ROBO2: variants seen among roughly 807,000 people sequenced by gnomAD.
The protein encoded by ROBO2 is roundabout homolog 2.
Under a neutral mutation model 160.8 loss-of-function variants are expected in ROBO2, and 53 were observed. That is an observed-to-expected ratio of 0.33 (90% CI 0.26 to 0.41). The LOEUF (loss-of-function observed/expected upper bound fraction) is 0.41, where lower values mean the gene tolerates loss of function less well. Ranked by LOEUF, ROBO2 falls within the 10% of genes least tolerant of loss-of-function variation. The pLI, the probability that ROBO2 is intolerant of heterozygous loss-of-function variation, is 1.00. For missense variants in ROBO2, 1,577 were observed against 1,722.4 expected (o/e 0.92, Z 1.49); for synonymous variants, 664 against 611.7 (o/e 1.09, Z -1.26).
intron 2 of ROBO2, among the ~76,000 whole-genome samples, chr3:77,272,092 C>T (rs540359432): frequency 1.4e-4 from 21 of 152,220 alleles, no homozygotes; most frequent in African/African-American, 4.8e-4. Context: ...TTTCTTTCCC[C>T]GTCAACCTTC....
At chr3:75,963,997 A>G (rs1949017479) in intron 2 of ROBO2, among the ~76,000 whole-genome samples, 1 of 151,774 alleles carries the variant, frequency 6.6e-6, no homozygotes, top group South Asian at 2.1e-4. Flanking sequence ...AGGCTTTAGA[A>G]TTTCACCGTA....
At chr3:77,622,751 G>C (rs750699428) in intron 23 of ROBO2, among the ~76,000 whole-genome samples, 30 of 152,226 alleles carry the variant, frequency 2.0e-4, no homozygotes, top group Admixed American at 3.9e-4. Flanking sequence ...TTTTAGAAAT[G>C]ATCTTTTTTA....
intron 2 of ROBO2, among the ~76,000 whole-genome samples, chr3:77,328,058 A>G (rs968033342): frequency 3.3e-5 from 2 of 61,078 alleles, no homozygotes; most frequent in African/African-American, 8.3e-5. Flanking sequence ...GTGAGACCGT[A>G]TCTCAAAAAA....
At chr3:76,561,590 C>G (rs1358696382) in intron 2 of ROBO2, among the ~76,000 whole-genome samples, 2 of 152,058 alleles carry the variant, frequency 1.3e-5, no homozygotes, top group Admixed American at 6.6e-5. Flanking sequence ...CATCAAAAGG[C>G]AAAGATAGAA....
intron 2 of ROBO2, among the ~76,000 whole-genome samples, chr3:77,301,446 T>C (rs2153412749): frequency 6.6e-6 from 1 of 152,288 alleles, no homozygotes; most frequent in South Asian, 2.1e-4. Context: ...CTCCAATCAC[T>C]TCTGAAATTG....
At chr3:76,045,076 T>G (rs2067407131) in intron 2 of ROBO2, among the ~76,000 whole-genome samples, 1 of 152,062 alleles carries the variant, frequency 6.6e-6, no homozygotes. Flanking sequence ...ATTTCTTTTA[T>G]TACCTGGGAG....
chr3:76,417,644 G>A (rs1340290679), intron 2 of ROBO2, among the ~76,000 whole-genome samples: 1 of 151,980 alleles, frequency 6.6e-6, no homozygotes, highest in African/African-American at 2.4e-5. Flanking sequence ...TAAATGGTAA[G>A]CTTGTAATAC....
intron 2 of ROBO2, among the ~76,000 whole-genome samples, chr3:77,360,260 C>G (rs188459991): frequency 0.012 from 1,743 of 151,216 alleles, 17 homozygotes; most frequent in Non-Finnish European, 0.018. Flanking sequence ...CAACCCCCCC[C>G]CCAAATTTAG....
intron 5 of ROBO2, among the ~76,000 whole-genome samples, chr3:77,498,137 C>T (rs1468930250): frequency 6.6e-6 from 1 of 152,074 alleles, no homozygotes; most frequent in Non-Finnish European, 1.5e-5. Flanking sequence ...TAATATCTCT[C>T]ATCAATCATA....
rs181852863 is a variant in ROBO2 at position 76,238,430 on chromosome 3, C to T, written c.109+300828C>T. Among the ~76,000 whole-genome samples the T allele has an allele frequency of 6.0e-3, 911 of 152,234 alleles. 8 individuals are homozygous for T. Among genetic ancestry groups the T allele is most frequent in the African/African-American group, 0.021 (853 of 41,530 alleles). ...TACTAACTCTCCTGAGAAGAGCATG[C>T]GGAAAACCACCTCCATGATCTAACC... On this transcript the variant is annotated intron_variant, in intron 2 of 26. Transcript: ENST00000487694.
chr3:76,456,972 T>C (rs1048058678), intron 2 of ROBO2, among the ~76,000 whole-genome samples: 1 of 152,142 alleles, frequency 6.6e-6, no homozygotes, highest in Admixed American at 6.5e-5. Context: ...AATTACCTCC[T>C]TGTGGGTTCC....
At position 76,622,648 on chromosome 3, in the gene ROBO2, G is replaced by A. The variant is rs1052517002; in HGVS notation, c.110-475366G>A. ...TTTCAATCCCCATCATTTCCTTAAT[G>A]CCTGCTCTGCCCCAGTCATTGACCA... is the stretch of plus-strand genomic sequence containing the variant. On this transcript the variant is annotated intron_variant, in intron 2 of 26. Transcript: ENST00000487694. Among the ~76,000 whole-genome samples, 15 of 152,002 alleles carry A rather than the reference G, an allele frequency of 9.9e-5. No individual in the cohort carries two copies. In the South Asian group the frequency reaches 1.0e-3, roughly 11 times the overall value.
chr3:77,230,135 T>C (rs2086988598), intron 2 of ROBO2, among the ~76,000 whole-genome samples: 1 of 152,106 alleles, frequency 6.6e-6, no homozygotes, highest in African/African-American at 2.4e-5. Flanking sequence ...TCACCCAGGC[T>C]GGAGTGCAGT....
intron 2 of ROBO2, among the ~76,000 whole-genome samples, chr3:76,114,727 T>A (rs1211044646): frequency 6.6e-6 from 1 of 152,108 alleles, no homozygotes; most frequent in African/African-American, 2.4e-5. Flanking sequence ...ACTCACAAAT[T>A]AGTTTATGAT....
rs1398716208 is a variant in ROBO2, at chr3:76,910,916, TG to T, written c.110-187097del. On this transcript the variant is annotated intron_variant, in intron 2 of 26. Transcript: ENST00000487694. ...GATTTGGGGGGATAAGTCCTTTTTT[TG>T]CTTCATTCGAATACATTAAGTACTC... 4.6e-5 allele frequency among the ~76,000 whole-genome samples: 7 copies of T among 152,202 alleles called. No individual in the cohort carries two copies. In the East Asian group the frequency reaches 1.4e-3, roughly 29 times the overall value.
chr3:77,492,831 T>C (rs2086299022), intron 4 of ROBO2, among the ~76,000 whole-genome samples: 1 of 152,184 alleles, frequency 6.6e-6, no homozygotes, highest in African/African-American at 2.4e-5. Flanking sequence ...TTAATATTTG[T>C]TTTTTAAATG....
intron 2 of ROBO2, among the ~76,000 whole-genome samples, chr3:76,797,386 AC>A (rs2063781160): frequency 6.6e-6 from 1 of 152,124 alleles, no homozygotes. Context: ...ATTTCCTGAC[AC>A]AAATGAAATG....
At chr3:76,942,399 A>G (rs996111364) in intron 2 of ROBO2, among the ~76,000 whole-genome samples, 1 of 152,246 alleles carries the variant, frequency 6.6e-6, no homozygotes, top group South Asian at 2.1e-4. Flanking sequence ...CCGTATTTCC[A>G]TAGACCTGGT....
chr3:77,514,858 A>T (rs770090416), intron 5 of ROBO2, among the ~76,000 whole-genome samples: 1 of 151,770 alleles, frequency 6.6e-6, no homozygotes. Context: ...CTGGGAAAAT[A>T]CTTGAAACCT....
Sources: allele counts gnomAD v4.1 joint callset (sites outside exome capture counted in the v4.1 genomes callset), GRCh38; gene constraint gnomAD v4.1.1; transcripts MANE v1.5; gene names NCBI Gene and HGNC (gene_info 2026-07-23, HGNC 2026-07-21).